The following TANC1 variants were observed in gnomAD, a reference collection of about 807,000 sequenced individuals.
TANC1 encodes protein TANC1.
TANC1 carries 77 observed loss-of-function variants against 149.7 expected under a neutral mutation model. That is an observed-to-expected ratio of 0.51 (90% CI 0.43 to 0.62). The LOEUF (loss-of-function observed/expected upper bound fraction) is 0.62, where lower values mean the gene tolerates loss of function less well. TANC1 is among the 20% of genes least tolerant of loss of function. The pLI, the probability that TANC1 is intolerant of heterozygous loss-of-function variation, is 0.00. For missense variants in TANC1, 1,985 were observed against 2,321.8 expected, an observed-to-expected ratio of 0.85 and a Z score of 2.98; for synonymous variants, 854 against 925.0, an observed-to-expected ratio of 0.92 and a Z score of 1.39.
chr2:159,058,171 A>G (rs2041986802), intron 2 of TANC1, among the ~76,000 whole-genome samples: 3 of 152,142 alleles, frequency 2.0e-5, no homozygotes, highest in Admixed American at 1.3e-4. Context: ...GAGTGTATTG[A>G]TTTCAGATTT....
At chr2:159,205,629 T>C (rs960249808) in intron 19 of TANC1, among the ~76,000 whole-genome samples, 10 of 152,240 alleles carry the variant, frequency 6.6e-5, no homozygotes, top group African/African-American at 2.4e-4. Context: ...CTGTACCATA[T>C]AGTCTAGGCA....
intron 4 of TANC1, among the ~76,000 whole-genome samples, 163 bp from the exon 5 acceptor site, chr2:159,136,031 T>C (rs867745765): frequency 1.2e-5 from 1 of 84,440 alleles, no homozygotes; most frequent in Admixed American, 1.2e-4. Context: ...TGTGTGTGTG[T>C]GTGTGTGTGT....
chr2:159,037,824 C>T (rs189428840), intron 2 of TANC1, among the ~76,000 whole-genome samples: 2 of 152,198 alleles, frequency 1.3e-5, no homozygotes, highest in East Asian at 3.9e-4. Flanking sequence ...CTTAGGATTG[C>T]CTTGGCAATG....
At chr2:159,062,583 G>A (rs991941389) in intron 2 of TANC1, among the ~76,000 whole-genome samples, 1 of 152,172 alleles carries the variant, frequency 6.6e-6, no homozygotes, top group Admixed American at 6.5e-5. Context: ...TTCCATTGAG[G>A]AATTTACCAC....
At chr2:159,142,839 G>A (rs373441210) in intron 5 of TANC1, among the ~76,000 whole-genome samples, 23 of 151,746 alleles carry the variant, frequency 1.5e-4, no homozygotes, top group East Asian at 7.7e-4. Context: ...CAAGGCGGGC[G>A]GATTGCCTGA....
chr2:159,091,665 T>C (rs751933130), intron 3 of TANC1, among the ~76,000 whole-genome samples: 13 of 152,206 alleles, frequency 8.5e-5, no homozygotes, highest in Non-Finnish European at 1.8e-4. Flanking sequence ...TAGATCCCAC[T>C]GGGTGGATTT....
intron 5 of TANC1, among the ~76,000 whole-genome samples, chr2:159,137,421 G>T (rs2050876935): frequency 6.6e-6 from 1 of 152,190 alleles, no homozygotes; most frequent in South Asian, 2.1e-4. Flanking sequence ...CTCTGGGCAG[G>T]CAAGAGGTGC....
At chr2:159,097,969 T>TA in intron 4 of TANC1, 135 bp downstream of exon 4, 1 of 715,434 alleles carries the variant, frequency 1.4e-6, no homozygotes, top group Non-Finnish European at 2.2e-6. Context: ...AAGAAATAAA[T>TA]CTTTTTTTTT....
chr2:159,110,390 G>T (rs1416408005), intron 4 of TANC1, among the ~76,000 whole-genome samples: 1 of 152,240 alleles, frequency 6.6e-6, no homozygotes, highest in Non-Finnish European at 1.5e-5. Context: ...TCAGACACTG[G>T]TTCTGCTGGT....
At chr2:159,084,843 C>T (rs1011527123) in intron 3 of TANC1, among the ~76,000 whole-genome samples, 3 of 152,116 alleles carry the variant, frequency 2.0e-5, no homozygotes, top group Non-Finnish European at 4.4e-5. Context: ...CTATCTGGGA[C>T]AGTCCAGTGT....
At chr2:158,981,180 G>C (rs2034268097) in intron 1 of TANC1, among the ~76,000 whole-genome samples, 1 of 151,946 alleles carries the variant, frequency 6.6e-6, no homozygotes, top group Admixed American at 6.6e-5. Context: ...GAGCAGCATG[G>C]TGAGTCAGAC....
Position 159,230,750 on chromosome 2 carries a change from T to C in TANC1, c.5324T>C (p.Val1775Ala). 2.5e-6 allele frequency: 4 copies of C among 1,614,164 alleles called. No individual in the cohort carries two copies. The highest frequency in any genetic ancestry group is 3.4e-6 in the Non-Finnish European group (4 of 1,180,024). ...ACTGAGAAGCCCTCTCTCATGCAAG[T>C]GGGAGGATATAATAACCAAGCCAAA... The part of the protein sequence containing the change: ...ANTEKPSLMQ[V>A]GGYNNQAKTC... Residue 1775 changes from valine (V) to alanine (A), a missense_variant, in exon 27 of 27, where the codon GTG (valine) becomes GCG (alanine). Transcript: ENST00000263635. The surrounding 1 kb of genome is among the most constrained non-coding windows in gnomAD (Gnocchi z 4.4).
At chr2:159,206,795 G>A (rs1354977223) in intron 19 of TANC1, among the ~76,000 whole-genome samples, 1 of 152,156 alleles carries the variant, frequency 6.6e-6, no homozygotes, top group Non-Finnish European at 1.5e-5. Flanking sequence ...GAGACCTCAT[G>A]TGGTGTCCTG....
At chr2:159,207,725 A>AAAAAAAAAAC (rs1559460731) in intron 19 of TANC1, among the ~76,000 whole-genome samples, 1 of 133,872 alleles carries the variant, frequency 7.5e-6, no homozygotes, top group Non-Finnish European at 1.6e-5. Flanking sequence ...AAAAAAAAAA[A>AAAAAAAAAAC]AACAACTCAG....
intron 1 of TANC1, among the ~76,000 whole-genome samples, chr2:158,983,937 C>A (rs528673976): frequency 6.6e-6 from 1 of 152,204 alleles, no homozygotes; most frequent in African/African-American, 2.4e-5. Flanking sequence ...ATGGTCCTTG[C>A]ATTCTTGCCA....
chr2:159,074,227 C>T (rs973395962), intron 3 of TANC1, among the ~76,000 whole-genome samples: 17 of 152,120 alleles, frequency 1.1e-4, no homozygotes, highest in African/African-American at 2.7e-4. Context: ...AAAGGTAAAA[C>T]GAGCAACTGA....
chr2:159,079,214 A>G (rs2044001456), intron 3 of TANC1, among the ~76,000 whole-genome samples: 1 of 152,116 alleles, frequency 6.6e-6, no homozygotes, highest in South Asian at 2.1e-4. Flanking sequence ...TGTTTTTTAA[A>G]GAGATGGGGT....
intron 2 of TANC1, among the ~76,000 whole-genome samples, chr2:159,012,113 A>G (rs1198643016): frequency 7.2e-5 from 11 of 152,114 alleles, no homozygotes; most frequent in Admixed American, 7.2e-4. Flanking sequence ...GACCCATCCC[A>G]CCCCTGGACC....
At chr2:159,084,312 A>C (rs906874375) in intron 3 of TANC1, among the ~76,000 whole-genome samples, 1 of 151,974 alleles carries the variant, frequency 6.6e-6, no homozygotes, top group Non-Finnish European at 1.5e-5. Flanking sequence ...CCCCCAATAC[A>C]GGCCTGGGAA....
Sources: gnomAD v4.1 joint callset for allele counts (sites outside exome capture counted in the v4.1 genomes callset) on GRCh38, gnomAD v4.1.1 for gene constraint, Gnocchi (gnomAD v3.1) non-coding constraint, MANE v1.5 for transcripts, NCBI Gene and HGNC (gene_info 2026-07-23, HGNC 2026-07-21) for gene names.